Variants in B4GALT6 observed in about 807,000 individuals in gnomAD.
B4GALT6 encodes UDP-Gal:beta-GlcNAc beta-1,4-galactosyltransferase 6.
In B4GALT6, 14 loss-of-function variants were observed where a neutral mutation model predicts 46.3. That is an observed-to-expected ratio of 0.30 (90% CI 0.20 to 0.47). The LOEUF is 0.47. B4GALT6 is among the 20% of genes least tolerant of loss of function. B4GALT6 has a pLI of 0.99. For missense variants in B4GALT6, 386 were observed against 480.1 expected (o/e 0.80, Z 1.83); for synonymous variants, 168 against 162.0 (o/e 1.04, Z -0.28).
chr18:31,640,668 G>A (rs1056783276), intron 4 of B4GALT6, among the ~76,000 whole-genome samples: 2 of 152,258 alleles, frequency 1.3e-5, no homozygotes, highest in African/African-American at 2.4e-5. Context: ...TCCCCATAAC[G>A]TCTCTCTTGG....
Position 31,684,485 on chromosome 18 carries a change from T to G in B4GALT6, c.-59A>C. The G allele has an allele frequency of 1.3e-6, 2 of 1,584,584 alleles. No homozygotes were observed. The highest frequency in any genetic ancestry group is 1.7e-6 in the Non-Finnish European group (2 of 1,165,814). The stretch of plus-strand genomic sequence containing the variant: ...TCTCAGGCCGGACTCGGGGCCACTG[T>G]CCAGGCCCTAAACTTCCATAAATGT... On this transcript the variant is annotated 5_prime_UTR_variant, in exon 1 of 9. Transcript: ENST00000306851.
chr18:31,683,279 G>C (rs1256560304), intron 1 of B4GALT6, among the ~76,000 whole-genome samples: 6 of 152,142 alleles, frequency 3.9e-5, no homozygotes. Flanking sequence ...TTCTGCAGGT[G>C]TTTTCACTCT....
chr18:31,645,319 A>G (rs1445981293), intron 4 of B4GALT6, 36 bp downstream of exon 4: 9 of 1,611,332 alleles, frequency 5.6e-6, no homozygotes, highest in Non-Finnish European at 6.8e-6. Flanking sequence ...AATGCTCAGT[A>G]ACAATCAAAT....
At chr18:31,684,689 A>AGGGGCCC (rs1259499248), upstream of B4GALT6, 1 of 356,958 alleles carries the variant, frequency 2.8e-6, no homozygotes, top group African/African-American at 4.0e-5. Context: ...ACTGGGGGCT[A>AGGGGCCC]GGGGCCCGGG....
intron 3 of B4GALT6, among the ~76,000 whole-genome samples, chr18:31,652,106 C>G (rs1326106442): frequency 6.6e-6 from 1 of 152,116 alleles, no homozygotes; most frequent in African/African-American, 2.4e-5. Context: ...ATGCCTACAA[C>G]ATGCTCAAGT....
chr18:31,717,082 G>A, the B4GALT6 span, among the ~76,000 whole-genome samples: 1 of 151,882 alleles, frequency 6.6e-6, no homozygotes, highest in Non-Finnish European at 1.5e-5. Context: ...CAGCCTGGAC[G>A]ACAGAGTGAG....
In B4GALT6 at chr18:31,684,440, G is replaced by A. The variant is rs575214468; in HGVS notation, c.-14C>T. Reference sequence around the variant, plus strand: ...GAGCACAGACATCTTCCTCTTCCCTGCCAGCAGCCCAGGCTGCGCTCTCAG... The same window carrying A: ...GAGCACAGACATCTTCCTCTTCCCTACCAGCAGCCCAGGCTGCGCTCTCAG... On this transcript the variant is annotated 5_prime_UTR_variant, in exon 1 of 9. Transcript: ENST00000306851. 4.3e-6 allele frequency: 7 copies of A among 1,612,146 alleles called. No homozygotes were observed. The highest frequency in any genetic ancestry group is 2.2e-5 in the South Asian group (2 of 90,872).
rs139946096 is a variant in B4GALT6, at chr18:31,627,773, C to T, written c.777-652G>A. Among the ~76,000 whole-genome samples, 9 of 152,278 alleles carry T rather than the reference C, an allele frequency of 5.9e-5. No individual in the cohort carries two copies. The East Asian group carries it at 1.2e-3, about 20-fold the overall frequency. On this transcript the variant is annotated intron_variant, in intron 6 of 8. Coordinates refer to ENST00000306851, the MANE Select transcript of B4GALT6 (RefSeq NM_004775.5). Reference sequence around the variant, plus strand: ...ACTCCAAGGAATGTGTCAAACGATGCAATGTTTTTAAACTTTTCTAAACTA... The same window carrying T: ...ACTCCAAGGAATGTGTCAAACGATGTAATGTTTTTAAACTTTTCTAAACTA...
chr18:31,626,936 T>C (rs2073706913), intron 7 of B4GALT6, 63 bp downstream of exon 7: 1 of 1,421,860 alleles, frequency 7.0e-7, no homozygotes, highest in African/African-American at 1.5e-5. Flanking sequence ...AGTACTACAA[T>C]TTACCTAATA....
chr18:31,651,815 G>A (rs181032745), intron 3 of B4GALT6, among the ~76,000 whole-genome samples: 6 of 152,120 alleles, frequency 3.9e-5, no homozygotes, highest in Admixed American at 3.9e-4. Flanking sequence ...CTGTTTCCCA[G>A]GCTGAAGTGC....
At position 31,625,361 on chromosome 18, in the gene B4GALT6, C is replaced by G; in HGVS notation, c.*253G>C. ...ATAAAAATTTTCTCTTCGGAGGGAG[C>G]TCTCTTAACTTCCGATCTTAAGTAG... On this transcript the variant is annotated 3_prime_UTR_variant, in exon 9 of 9. Transcript: ENST00000306851. 1 of 385,850 alleles carries G rather than the reference C, an allele frequency of 2.6e-6. No individual in the cohort carries two copies. The highest frequency in any genetic ancestry group is 4.6e-6 in the Non-Finnish European group (1 of 219,566). 23.9% of individuals were successfully genotyped at this position (385,850 alleles called of 1,614,324 possible).
chr18:31,706,162 T>C, the B4GALT6 span, among the ~76,000 whole-genome samples: 2 of 152,098 alleles, frequency 1.3e-5, no homozygotes, highest in Non-Finnish European at 2.9e-5. Context: ...TACAGCTCTG[T>C]TTACAGAGGG....
chr18:31,712,797 T>C, the B4GALT6 span, among the ~76,000 whole-genome samples: 2 of 152,218 alleles, frequency 1.3e-5, no homozygotes, highest in Non-Finnish European at 2.9e-5. Flanking sequence ...TCTGGTTCCT[T>C]TCCAATTCCA....
the B4GALT6 span, among the ~76,000 whole-genome samples, chr18:31,722,115 A>C: frequency 6.6e-6 from 1 of 152,204 alleles, no homozygotes; most frequent in Non-Finnish European, 1.5e-5. Context: ...GAAGTATTTA[A>C]AAATTATGGT....
chr18:31,695,861 C>G, the B4GALT6 span, among the ~76,000 whole-genome samples: 1 of 152,268 alleles, frequency 6.6e-6, no homozygotes, highest in South Asian at 2.1e-4. Context: ...CTGGCCCATA[C>G]CTCCAAATAG....
At chr18:31,696,249 G>GA in the B4GALT6 span, among the ~76,000 whole-genome samples, 1 of 152,036 alleles carries the variant, frequency 6.6e-6, no homozygotes, top group African/African-American at 2.4e-5. Context: ...AAATGATAGA[G>GA]AAAAAATAAA....
At chr18:31,696,845 G>T in the B4GALT6 span, among the ~76,000 whole-genome samples, 13 of 152,068 alleles carry the variant, frequency 8.5e-5, no homozygotes, top group Non-Finnish European at 1.6e-4. Flanking sequence ...GTCATTTAAC[G>T]CAGAAATGTG....
At chr18:31,705,647 C>T in the B4GALT6 span, among the ~76,000 whole-genome samples, 1 of 152,220 alleles carries the variant, frequency 6.6e-6, no homozygotes, top group African/African-American at 2.4e-5. Flanking sequence ...CTTGGCCTCC[C>T]AAAGTGCTGG....
chr18:31,632,235 C>T (rs570079935), intron 5 of B4GALT6, among the ~76,000 whole-genome samples: 1 of 152,196 alleles, frequency 6.6e-6, no homozygotes, highest in East Asian at 1.9e-4. Flanking sequence ...AGGCCTTGCA[C>T]TAACTTGAGG....
Sources: allele counts gnomAD v4.1 joint callset (sites outside exome capture counted in the v4.1 genomes callset), GRCh38; gene constraint gnomAD v4.1.1; transcripts MANE v1.5; gene names NCBI Gene and HGNC (gene_info 2026-07-23, HGNC 2026-07-21).